Variants in EZH2 observed in about 807,000 individuals in gnomAD.
EZH2 encodes the protein enhancer of zeste 2 polycomb repressive complex 2 subunit, also known as histone-lysine N-methyltransferase EZH2.
In EZH2, 18 loss-of-function variants were observed where a neutral mutation model predicts 98.4. The observed-to-expected ratio is 0.18, with a 90% CI of 0.13 to 0.27. The LOEUF (loss-of-function observed/expected upper bound fraction) is 0.27. EZH2 is among the 10% of genes least tolerant of loss of function. The pLI is 1.00. For missense variants in EZH2, 470 were observed against 935.1 expected, an observed-to-expected ratio of 0.50 and a Z score of 6.49; for synonymous variants, 338 against 312.3, an observed-to-expected ratio of 1.08 and a Z score of -0.87.
At chr7:148,856,827 A>G (rs187646106) in intron 1 of EZH2, among the ~76,000 whole-genome samples, 13 of 152,368 alleles carry the variant, frequency 8.5e-5, no homozygotes, top group Admixed American at 2.6e-4. Context: ...TTAAATAAAC[A>G]ACTGGAGGAG....
chr7:148,846,426 C>T, intron 3 of EZH2, 44 bp downstream of exon 3: 1 of 1,586,526 alleles, frequency 6.3e-7, no homozygotes, highest in Non-Finnish European at 8.6e-7. Context: ...ATAGCATAAA[C>T]CAAAAGATGA....
intron 1 of EZH2, among the ~76,000 whole-genome samples, chr7:148,857,012 T>C (rs1353778664): frequency 6.6e-6 from 1 of 152,174 alleles, no homozygotes; most frequent in Non-Finnish European, 1.5e-5. Flanking sequence ...ACCATAACCA[T>C]TAACATGAGC....
intron 4 of EZH2, 122 bp downstream of exon 4, chr7:148,832,512 G>A (rs1809677474): frequency 1.7e-6 from 1 of 603,554 alleles, no homozygotes; most frequent in Admixed American, 2.5e-5. Flanking sequence ...TACTTCAAGT[G>A]TTATTTTGAT....
chr7:148,860,164 G>A (rs1404660257), intron 1 of EZH2, among the ~76,000 whole-genome samples: 1 of 151,930 alleles, frequency 6.6e-6, no homozygotes, highest in South Asian at 2.1e-4. Context: ...TTTATCATAA[G>A]GAACTTATAT....
At chr7:148,879,232 CAAAAACAAAAACA>C (rs939624713) in intron 1 of EZH2, among the ~76,000 whole-genome samples, 48 of 141,904 alleles carry the variant, frequency 3.4e-4, no homozygotes, top group East Asian at 9.8e-4. Flanking sequence ...TATCAAAAAA[CAAAAACAAAAACA>C]AAAAACAAAA....
intron 1 of EZH2, chr7:148,883,222 G>C (rs954316917): frequency 2.0e-5 from 3 of 152,250 alleles, no homozygotes; most frequent in Non-Finnish European, 4.4e-5. Context: ...TTTTCCAAAA[G>C]ATCGTGCTTC....
At chr7:148,854,546 A>G (rs1246667371) in intron 1 of EZH2, among the ~76,000 whole-genome samples, 1 of 152,252 alleles carries the variant, frequency 6.6e-6, no homozygotes. Context: ...AAAGAAAACA[A>G]TAAACTACAT....
At chr7:148,873,297 G>A (rs1157076550) in intron 1 of EZH2, among the ~76,000 whole-genome samples, 2 of 152,024 alleles carry the variant, frequency 1.3e-5, no homozygotes, top group Non-Finnish European at 2.9e-5. Flanking sequence ...TTCAAGACCA[G>A]TCTGGCCAAC....
At chr7:148,838,705 C>T (rs908548656) in intron 3 of EZH2, among the ~76,000 whole-genome samples, 1 of 152,068 alleles carries the variant, frequency 6.6e-6, no homozygotes, top group Non-Finnish European at 1.5e-5. Flanking sequence ...TGTTTTGAAG[C>T]CTTGCTTAAA....
intron 1 of EZH2, among the ~76,000 whole-genome samples, chr7:148,882,124 T>A (rs1821095860): frequency 6.6e-6 from 1 of 152,212 alleles, no homozygotes; most frequent in Non-Finnish European, 1.5e-5. Context: ...TAAACGTTAC[T>A]TTTTTGTTAT....
chr7:148,826,398 T>A (rs1807727650), intron 8 of EZH2, 56 bp downstream of exon 8: 1 of 1,328,460 alleles, frequency 7.5e-7, no homozygotes, highest in Non-Finnish European at 9.9e-7. Context: ...ATGATAGCAC[T>A]CTCCAAGCTG....
At chr7:148,878,907 T>G (rs1031181610) in intron 1 of EZH2, among the ~76,000 whole-genome samples, 1 of 144,950 alleles carries the variant, frequency 6.9e-6, no homozygotes, top group Non-Finnish European at 1.5e-5. Flanking sequence ...CAAAAAAAAA[T>G]TTTTAATTTA....
intron 13 of EZH2, 125 bp downstream of exon 13, chr7:148,815,381 G>A (rs886360063): frequency 1.5e-5 from 15 of 1,030,750 alleles, no homozygotes; most frequent in Non-Finnish European, 2.3e-5. Flanking sequence ...ATTCAAATTG[G>A]TTTAACATAC....
At chr7:148,865,125 CAAAAA>C (rs201434328) in intron 1 of EZH2, among the ~76,000 whole-genome samples, 3 of 92,372 alleles carry the variant, frequency 3.2e-5, no homozygotes, top group Non-Finnish European at 4.9e-5. Context: ...AGACTTGTCT[CAAAAA>C]AAAAAAAAAA....
chr7:148,827,362 G>A (rs1808027780), intron 6 of EZH2, 96 bp from the exon 7 acceptor site: 1 of 821,366 alleles, frequency 1.2e-6, no homozygotes, highest in Non-Finnish European at 1.9e-6. Context: ...TAACAAAGCT[G>A]ATTTTCTAAG....
chr7:148,849,612 G>A (rs1050330483), intron 1 of EZH2, among the ~76,000 whole-genome samples: 1 of 152,192 alleles, frequency 6.6e-6, no homozygotes, highest in Non-Finnish European at 1.5e-5. Flanking sequence ...GATTAAGCAG[G>A]CTAAACTCAA....
intron 8 of EZH2, among the ~76,000 whole-genome samples, chr7:148,820,490 CA>C (rs945552111): frequency 7.8e-5 from 10 of 128,314 alleles, no homozygotes; most frequent in African/African-American, 2.4e-4. Flanking sequence ...GACATTTCCA[CA>C]AAACAAATCA....
In EZH2 at chr7:148,868,246, A is replaced by G. The variant is rs147300056; in HGVS notation, c.-8+15918T>C. Reference sequence around the variant, plus strand: ...AGTCCATTCTCACATTGCTATAAAGAGCTGAGGGTGGGTAATTTATAAAGA... The same window carrying G: ...AGTCCATTCTCACATTGCTATAAAGGGCTGAGGGTGGGTAATTTATAAAGA... On this transcript the variant is annotated intron_variant, in intron 1 of 19. Transcript: ENST00000320356. 6.6e-5 allele frequency among the ~76,000 whole-genome samples: 10 copies of G among 152,254 alleles called. No homozygotes were observed. The East Asian group carries it at 1.9e-3, about 29-fold the overall frequency.
intron 15 of EZH2, among the ~76,000 whole-genome samples, chr7:148,813,581 T>G (rs1246824666): frequency 1.3e-5 from 2 of 151,960 alleles, no homozygotes; most frequent in African/African-American, 4.8e-5. Context: ...TTGATGAGAA[T>G]GAGTCTATAT....
Sources: gnomAD v4.1 joint callset for allele counts (sites outside exome capture counted in the v4.1 genomes callset) on GRCh38, gnomAD v4.1.1 for gene constraint, MANE v1.5 for transcripts, NCBI Gene and HGNC (gene_info 2026-07-23, HGNC 2026-07-21) for gene names.